The following ZMYM1 variants were observed in gnomAD, a reference collection of about 807,000 sequenced individuals.
ZMYM1 encodes the protein zinc finger MYM-type containing 1.
Under a neutral mutation model 60.0 loss-of-function variants are expected in ZMYM1, and 39 were observed. The observed-to-expected ratio is 0.65, with a 90% CI of 0.50 to 0.85. The LOEUF (loss-of-function observed/expected upper bound fraction) is 0.85. Among genes scored for constraint, ZMYM1 ranks in the 40% least tolerant of loss-of-function variants. The probability of loss-of-function intolerance (pLI) is 0.00; values close to 1 mark genes in which losing one functional copy is unlikely to be tolerated. For synonymous variants in ZMYM1, 413 were observed against 454.0 expected, an observed-to-expected ratio of 0.91 and a Z score of 1.15; for missense variants, 1,171 against 1,309.5, an observed-to-expected ratio of 0.89 and a Z score of 1.63.
At position 35,113,844 on chromosome 1, in the gene ZMYM1, G is replaced by C; in HGVS notation, c.2014G>C (p.Ala672Pro). Residue 672 changes from alanine (A) to proline (P), a missense_variant, in exon 10 of 10, where the codon GCT becomes CCT. Transcript: ENST00000359858. ...AAGATACCCACAAAAATCATCAAAGGCTATCTTAATTAAGGAAAGATTCTT... is the reference window on the plus strand; with the variant it reads ...AAGATACCCACAAAAATCATCAAAGCCTATCTTAATTAAGGAAAGATTCTT... The part of the protein sequence containing the change: ...CVRYPQKSSK[A>P]ILIKERFLGF... 3.1e-6 allele frequency: 5 copies of C among 1,613,656 alleles called. No individual in the cohort carries two copies. The highest frequency in any genetic ancestry group is 2.2e-5 in the South Asian group (2 of 90,984).
chr1:35,107,304 C>CA (rs1161051800), intron 6 of ZMYM1, among the ~76,000 whole-genome samples: 2,957 of 109,764 alleles, frequency 0.027, 110 homozygotes, highest in African/African-American at 0.083. Flanking sequence ...ACTAAAAATA[C>CA]AAAAAAAAAA....
chr1:35,093,357 G>A (rs1349667512), intron 1 of ZMYM1: 1 of 152,414 alleles, frequency 6.6e-6, no homozygotes, highest in African/African-American at 2.4e-5. Flanking sequence ...GGAGTGCAGT[G>A]GCTCAATGTC....
At chr1:35,090,238 G>A (rs368429341) in intron 1 of ZMYM1, among the ~76,000 whole-genome samples, 1 of 152,124 alleles carries the variant, frequency 6.6e-6, no homozygotes, top group East Asian at 1.9e-4. Flanking sequence ...CTAGGAGACA[G>A]GAAGACTTGC....
At chr1:35,063,333 G>T (rs575524583) in intron 1 of ZMYM1, among the ~76,000 whole-genome samples, 14 of 151,756 alleles carry the variant, frequency 9.2e-5, no homozygotes, top group Non-Finnish European at 1.9e-4. Flanking sequence ...TAAGAGACAG[G>T]GTCTTGCTCT....
intron 1 of ZMYM1, among the ~76,000 whole-genome samples, chr1:35,067,065 G>C (rs1028956231): frequency 3.3e-5 from 5 of 151,808 alleles, no homozygotes; most frequent in African/African-American, 1.2e-4. Context: ...TGCAACCTCT[G>C]CCTCCCGGGT....
chr1:35,070,073 T>G (rs553153283), intron 1 of ZMYM1, among the ~76,000 whole-genome samples: 12 of 152,314 alleles, frequency 7.9e-5, no homozygotes, highest in African/African-American at 2.9e-4. Context: ...AATTTGGAGT[T>G]GTTTGTGGTT....
intron 4 of ZMYM1, among the ~76,000 whole-genome samples, chr1:35,101,109 C>CT (rs34048407): frequency 0.79 from 102,396 of 129,082 alleles, 42,106 homozygotes; most frequent in Non-Finnish European, 0.91. Flanking sequence ...AGCCAACATT[C>CT]TTTTTTTTTT....
At chr1:35,061,977 G>A (rs565370684) in intron 1 of ZMYM1, among the ~76,000 whole-genome samples, 79 of 151,528 alleles carry the variant, frequency 5.2e-4, no homozygotes, top group South Asian at 1.3e-3. Flanking sequence ...CTACAAGCAC[G>A]CGTCACCATG....
intron 1 of ZMYM1, among the ~76,000 whole-genome samples, chr1:35,087,788 G>T (rs6425929): frequency 0.87 from 132,445 of 151,922 alleles, 58,046 homozygotes; most frequent in Non-Finnish European, 0.93. Context: ...ATGGGCCGAG[G>T]GCAGTGGCTC....
chr1:35,062,865 A>C (rs1641900387), intron 1 of ZMYM1, among the ~76,000 whole-genome samples: 2 of 152,296 alleles, frequency 1.3e-5, no homozygotes, highest in South Asian at 4.1e-4. Flanking sequence ...GCTAAAATAA[A>C]CCTTATGCCA....
Position 35,114,530 on chromosome 1 carries a change from A to C in ZMYM1, c.2700A>C (p.Leu900Phe), listed in dbSNP as rs368422199. 1 of 1,610,424 alleles carries C rather than the reference A, an allele frequency of 6.2e-7. No homozygotes were observed. The highest frequency in any genetic ancestry group is 1.7e-5 in the Admixed American group (1 of 59,544). ...SSKIEAILECLSSERNDVYFK... is the reference protein window; with the variant it reads ...SSKIEAILECFSSERNDVYFK... The stretch of plus-strand genomic sequence containing the variant: ...AAATAGAAGCAATTTTGGAATGTTT[A>C]TCATCTGAAAGAAATGACGTATACT... The change falls in exon 10 of 10, where the codon TTA (leucine) becomes TTC (phenylalanine). Residue 900 changes from leucine (L) to phenylalanine (F), a missense_variant. Coordinates refer to ENST00000359858, the MANE Select transcript of ZMYM1 (RefSeq NM_024772.5).
intron 1 of ZMYM1, among the ~76,000 whole-genome samples, chr1:35,066,244 C>A (rs28843374): frequency 0.019 from 2,843 of 152,352 alleles, 39 homozygotes; most frequent in Middle Eastern, 0.034. Flanking sequence ...GTTGCCCAGG[C>A]TGGAGTGCAG....
intron 9 of ZMYM1, among the ~76,000 whole-genome samples, chr1:35,112,453 C>A (rs958968107): frequency 3.4e-5 from 5 of 148,576 alleles, no homozygotes; most frequent in African/African-American, 1.2e-4. Flanking sequence ...GCTGGGATTA[C>A]AGGCATGAGC....
intron 3 of ZMYM1, 66 bp downstream of exon 3, chr1:35,095,957 T>A: frequency 8.3e-7 from 1 of 1,210,572 alleles, no homozygotes; most frequent in Non-Finnish European, 1.2e-6. Flanking sequence ...CATTCTTTTT[T>A]AATGCCTTTG....
At chr1:35,063,056 C>T (rs1231418742) in intron 1 of ZMYM1, among the ~76,000 whole-genome samples, 3 of 152,014 alleles carry the variant, frequency 2.0e-5, no homozygotes, top group Admixed American at 1.3e-4. Flanking sequence ...AGACTCCTTC[C>T]GTCTTCTCTT....
intron 1 of ZMYM1, among the ~76,000 whole-genome samples, chr1:35,061,081 G>T (rs1011268236): frequency 3.9e-5 from 6 of 152,172 alleles, no homozygotes; most frequent in Non-Finnish European, 8.8e-5. Context: ...GCCTAAGTCT[G>T]TCAGCACCCC....
intron 1 of ZMYM1, among the ~76,000 whole-genome samples, chr1:35,090,215 CT>C (rs1642923623): frequency 6.6e-6 from 1 of 151,802 alleles, no homozygotes; most frequent in Admixed American, 6.6e-5. Context: ...CTATAAGGCT[CT>C]TTTTTAAGGA....
chr1:35,111,579 G>A (rs1644087737), intron 7 of ZMYM1, among the ~76,000 whole-genome samples, 193 bp from the exon 8 acceptor site: 1 of 152,172 alleles, frequency 6.6e-6, no homozygotes. Context: ...TAAATTTTCA[G>A]TGTAATGTTG....
chr1:35,109,891 C>G (rs548219798), intron 6 of ZMYM1, among the ~76,000 whole-genome samples: 1 of 152,054 alleles, frequency 6.6e-6, no homozygotes, highest in South Asian at 2.1e-4. Context: ...TGATTACAGG[C>G]GCTCGCCACT....
Sources: allele counts gnomAD v4.1 joint callset (sites outside exome capture counted in the v4.1 genomes callset), GRCh38; gene constraint gnomAD v4.1.1; transcripts MANE v1.5; gene names NCBI Gene and HGNC (gene_info 2026-07-23, HGNC 2026-07-21).